The following MYO1B variants were observed in gnomAD, a reference collection of about 807,000 sequenced individuals.
The protein encoded by MYO1B is unconventional myosin-Ib.
MYO1B carries 72 observed loss-of-function variants against 159.7 expected under a neutral mutation model. That is an observed-to-expected ratio of 0.45 (90% CI 0.37 to 0.55). The LOEUF (loss-of-function observed/expected upper bound fraction) is 0.55, where lower values mean the gene tolerates loss of function less well. Among genes scored for constraint, MYO1B ranks in the 20% least tolerant of loss-of-function variants. The probability of loss-of-function intolerance (pLI) is 0.00; values close to 1 mark genes in which losing one functional copy is unlikely to be tolerated. For synonymous variants in MYO1B, 468 were observed against 473.8 expected, an observed-to-expected ratio of 0.99 and a Z score of 0.16; for missense variants, 1,062 against 1,364.8, an observed-to-expected ratio of 0.78 and a Z score of 3.50.
At chr2:191,379,109 T>A (rs1159632456) in intron 13 of MYO1B, among the ~76,000 whole-genome samples, 1 of 152,216 alleles carries the variant, frequency 6.6e-6, no homozygotes, top group Non-Finnish European at 1.5e-5. Context: ...TGGATATGGG[T>A]CTTGATCCAA....
intron 3 of MYO1B, among the ~76,000 whole-genome samples, chr2:191,321,525 T>C (rs1574422423): frequency 6.6e-6 from 1 of 152,200 alleles, no homozygotes; most frequent in Admixed American, 6.5e-5. Flanking sequence ...TTAAAAGAGA[T>C]AGTAAAAATG....
intron 3 of MYO1B, among the ~76,000 whole-genome samples, chr2:191,318,267 T>C (rs1368457377): frequency 6.6e-6 from 1 of 152,206 alleles, no homozygotes; most frequent in African/African-American, 2.4e-5. Flanking sequence ...GGGCCAGCTC[T>C]AGAGGAGGGC....
At chr2:191,378,399 T>C (rs763291901) in intron 13 of MYO1B, among the ~76,000 whole-genome samples, 6 of 152,052 alleles carry the variant, frequency 3.9e-5, no homozygotes, top group Admixed American at 6.6e-5. Context: ...TTAGTTCTTA[T>C]AGGTTTTGGG....
chr2:191,421,134 A>G (rs911360746), intron 30 of MYO1B, among the ~76,000 whole-genome samples: 3 of 147,920 alleles, frequency 2.0e-5, no homozygotes, highest in African/African-American at 7.5e-5. Flanking sequence ...CAGTGGCGAG[A>G]TCTCGGCTCA....
chr2:191,332,944 C>T (rs1324803008), intron 4 of MYO1B, among the ~76,000 whole-genome samples: 1 of 152,116 alleles, frequency 6.6e-6, no homozygotes, highest in East Asian at 1.9e-4. Flanking sequence ...AATTTAATGG[C>T]TGCCATACAG....
intron 8 of MYO1B, 22 bp downstream of exon 8, chr2:191,360,751 GTGTTGTTGTTGTTGT>G (rs71403288): frequency 4.6e-5 from 51 of 1,118,312 alleles, no homozygotes; most frequent in Admixed American, 3.6e-4. Flanking sequence ...TTTCTATGTG[GTGTTGTTGTTGTTGT>G]TGTTGTTGTT....
Position 191,363,546 on chromosome 2 carries a change from C to T in MYO1B, c.766-182C>T, listed in dbSNP as rs369152992. Among the ~76,000 whole-genome samples the T allele has an allele frequency of 1.2e-4, 19 of 152,220 alleles. No individual in the cohort carries two copies. The South Asian group carries it at 4.0e-3, about 32-fold the overall frequency. On this transcript the variant is annotated intron_variant, in intron 9 of 30. Coordinates refer to ENST00000392318, the MANE Select transcript of MYO1B (RefSeq NM_001130158.3). The stretch of plus-strand genomic sequence containing the variant: ...TCTTCCTCTTTATGTGCCCTGCAAC[C>T]CCCGCCACAGCACCAGAGGTACCCC...
At chr2:191,372,529 G>A (rs1226647893) in intron 13 of MYO1B, among the ~76,000 whole-genome samples, 3 of 152,198 alleles carry the variant, frequency 2.0e-5, no homozygotes, top group Non-Finnish European at 4.4e-5. Context: ...TCTGCATGGA[G>A]CTTAGAGTCT....
intron 4 of MYO1B, among the ~76,000 whole-genome samples, chr2:191,330,832 G>T (rs1691422766): frequency 6.6e-6 from 1 of 152,084 alleles, no homozygotes; most frequent in Admixed American, 6.6e-5. Flanking sequence ...ATGATAATTG[G>T]TCAATTATTT....
intron 5 of MYO1B, among the ~76,000 whole-genome samples, chr2:191,343,393 T>A (rs1692351060): frequency 6.6e-6 from 1 of 152,202 alleles, no homozygotes; most frequent in South Asian, 2.1e-4. Flanking sequence ...GTATTCACTG[T>A]GACCCCAAGA....
intron 16 of MYO1B, among the ~76,000 whole-genome samples, chr2:191,386,729 C>T (rs1159165349): frequency 2.6e-5 from 4 of 152,028 alleles, no homozygotes; most frequent in Non-Finnish European, 5.9e-5. Flanking sequence ...CCTGAATTAC[C>T]TTTAATTTCA....
At chr2:191,360,036 A>G (rs1188287324) in intron 7 of MYO1B, among the ~76,000 whole-genome samples, 1 of 152,150 alleles carries the variant, frequency 6.6e-6, no homozygotes. Context: ...GATATCCACA[A>G]ACTCTACGTT....
rs896600737 is a variant in MYO1B at position 191,271,830 on chromosome 2, CT to C, written c.-9-5056del. ...TAGTGGAATTACCATGCTGGATGTG[CT>C]GTTTTGTGTAGCCATCTCTGTGTGT... is the stretch of plus-strand genomic sequence containing the variant. On this transcript the variant is annotated intron_variant, in intron 1 of 30. Transcript: ENST00000392318. Among the ~76,000 whole-genome samples, 26 of 152,250 alleles carry C rather than the reference CT, an allele frequency of 1.7e-4. No individual in the cohort carries two copies. In the East Asian group the frequency reaches 4.8e-3, roughly 28 times the overall value.
chr2:191,402,730 A>C lies in MYO1B; in HGVS notation c.2556+12A>C, dbSNP rs1196783171. The C allele has an allele frequency of 1.1e-5, 17 of 1,606,242 alleles. No individual in the cohort carries two copies. The highest frequency in any genetic ancestry group is 1.4e-5 in the Non-Finnish European group (17 of 1,176,200). On this transcript the variant is annotated intron_variant, in intron 24 of 30. Transcript: ENST00000392318. The stretch of plus-strand genomic sequence containing the variant: ...GGCTTGGACTGAAGGTACTTCCTCA[A>C]CCACTTGTTTCTGTCCAGGGTGAAC...
chr2:191,343,132 A>G (rs1440119523), intron 5 of MYO1B, among the ~76,000 whole-genome samples: 1 of 152,112 alleles, frequency 6.6e-6, no homozygotes, highest in Non-Finnish European at 1.5e-5. Context: ...ATCTCCAGAC[A>G]TTGTCAGATG....
chr2:191,366,383 G>GT (rs200164204), intron 11 of MYO1B, among the ~76,000 whole-genome samples: 2,428 of 145,748 alleles, frequency 0.017, 37 homozygotes, highest in African/African-American at 0.039. Flanking sequence ...TTAGTCAACT[G>GT]TTTTTTTTTT....
chr2:191,268,930 G>GA, intron 1 of MYO1B, among the ~76,000 whole-genome samples: 1 of 152,296 alleles, frequency 6.6e-6, no homozygotes, highest in East Asian at 1.9e-4. Context: ...CTGTGCAGGG[G>GA]AGAGATTGGA....
chr2:191,350,198 G>A lies in MYO1B; in HGVS notation c.535G>A (p.Asp179Asn), dbSNP rs201644151. ...YMDIEFDFKG[D>N]PLGGVISNYL... ...GGATATTGAATTTGACTTTAAAGGCGATCCACTAGGAGGAGTAATAAGTAA... is the reference window on the plus strand; with the variant it reads ...GGATATTGAATTTGACTTTAAAGGCAATCCACTAGGAGGAGTAATAAGTAA... The change falls in exon 7 of 31, where the codon GAT becomes AAT. Residue 179 changes from aspartate to asparagine, a missense_variant. Asp to Asn is a conservative substitution (Grantham distance 23). Transcript: ENST00000392318. 43 of 1,612,686 alleles carry A rather than the reference G, an allele frequency of 2.7e-5. No homozygotes were observed. Among genetic ancestry groups the A allele is most frequent in the Middle Eastern group, 1.7e-4 (1 of 6,054 alleles).
At chr2:191,350,302 C>T in intron 7 of MYO1B, 77 bp downstream of exon 7, 1 of 1,092,866 alleles carries the variant, frequency 9.2e-7, no homozygotes, top group Non-Finnish European at 1.4e-6. Flanking sequence ...AGTTTAGATA[C>T]TTGTGTCTTT....
Sources: gnomAD v4.1 joint callset for allele counts (sites outside exome capture counted in the v4.1 genomes callset) on GRCh38, gnomAD v4.1.1 for gene constraint, MANE v1.5 for transcripts, NCBI Gene and HGNC (gene_info 2026-07-23, HGNC 2026-07-21) for gene names.